Variants in IGSF21 observed in about 807,000 individuals in gnomAD.
The protein encoded by IGSF21 is immunoglobulin superfamily member 21.
In IGSF21, 28 loss-of-function variants were observed where a neutral mutation model predicts 46.8. The observed-to-expected ratio is 0.60, with a 90% CI of 0.44 to 0.82. IGSF21 has a LOEUF of 0.82. IGSF21 is among the 40% of genes least tolerant of loss of function. The pLI is 0.00. For missense variants in IGSF21, 624 were observed against 665.5 expected (o/e 0.94, Z 0.69); for synonymous variants, 284 against 273.6 (o/e 1.04, Z -0.38).
intron 4 of IGSF21, among the ~76,000 whole-genome samples, chr1:18,359,277 C>CA (rs1470868457): frequency 4.0e-4 from 32 of 80,044 alleles, no homozygotes; most frequent in Admixed American, 8.9e-4. Flanking sequence ...GACCCTGCCT[C>CA]AAAAAACACA....
At position 18,282,189 on chromosome 1, in the gene IGSF21, G is replaced by A. The variant is rs555466750; in HGVS notation, c.184-9677G>A. On this transcript the variant is annotated intron_variant, in intron 2 of 9. Coordinates refer to ENST00000251296, the MANE Select transcript of IGSF21 (RefSeq NM_032880.5). Reference sequence around the variant, plus strand: ...CCTGGGGGTTCCGGACTGTGTATCCGGTTGTGGTTCCTGACCCCTGTGTCC... The same window carrying A: ...CCTGGGGGTTCCGGACTGTGTATCCAGTTGTGGTTCCTGACCCCTGTGTCC... Among the ~76,000 whole-genome samples, 81 of 148,798 alleles carry A rather than the reference G, an allele frequency of 5.4e-4. 1 individual carries two copies. The highest frequency in any genetic ancestry group is 3.5e-3 in the Middle Eastern group (1 of 286).
chr1:18,321,687 G>T (rs76136871), intron 3 of IGSF21, among the ~76,000 whole-genome samples: 2,881 of 152,246 alleles, frequency 0.019, 53 homozygotes, highest in Non-Finnish European at 0.029. Flanking sequence ...CTCTTTTGTG[G>T]GGGTGCTCAT....
At chr1:18,252,476 C>T (rs945078216) in intron 2 of IGSF21, among the ~76,000 whole-genome samples, 1 of 152,216 alleles carries the variant, frequency 6.6e-6, no homozygotes, top group African/African-American at 2.4e-5. Context: ...GTGGCCGTAG[C>T]TTTGCTCCAG....
intron 4 of IGSF21, among the ~76,000 whole-genome samples, chr1:18,342,806 A>G (rs560887972): frequency 6.6e-6 from 1 of 152,314 alleles, no homozygotes; most frequent in African/African-American, 2.4e-5. Flanking sequence ...CTTCATATGG[A>G]TAGATCGCGT....
intron 2 of IGSF21, among the ~76,000 whole-genome samples, chr1:18,268,244 G>A (rs1002554083): frequency 1.4e-4 from 22 of 152,348 alleles, no homozygotes; most frequent in African/African-American, 5.1e-4. Flanking sequence ...AAGTCCAAGT[G>A]AGCAGCATTA....
intron 1 of IGSF21, chr1:18,115,366 G>A (rs12144931): frequency 0.23 from 35,205 of 152,186 alleles, 4,447 homozygotes; most frequent in Non-Finnish European, 0.3. Context: ...GCTGGAGATC[G>A]TTGGGGATAG....
intron 1 of IGSF21, among the ~76,000 whole-genome samples, chr1:18,142,607 A>C (rs1250625996): frequency 3.3e-5 from 5 of 152,182 alleles, no homozygotes; most frequent in Non-Finnish European, 7.4e-5. Flanking sequence ...TCAGCTGAGA[A>C]GGAGCCGGGC....
At chr1:18,210,397 A>G (rs76476546) in intron 1 of IGSF21, among the ~76,000 whole-genome samples, 2,026 of 152,348 alleles carry the variant, frequency 0.013, 33 homozygotes, top group African/African-American at 0.046. Flanking sequence ...AGCAGGAAAG[A>G]TGCTCCCATG....
intron 4 of IGSF21, among the ~76,000 whole-genome samples, chr1:18,349,350 A>G (rs2085926386): frequency 6.6e-6 from 1 of 152,098 alleles, no homozygotes; most frequent in South Asian, 2.1e-4. Context: ...AGCAGAAGAA[A>G]AATAAGGATG....
chr1:18,120,961 G>A (rs185052325), intron 1 of IGSF21, among the ~76,000 whole-genome samples: 86 of 152,224 alleles, frequency 5.6e-4, no homozygotes, highest in East Asian at 1.5e-3. Context: ...TTACCTATTC[G>A]TCATTCCCCA....
At chr1:18,273,456 T>C (rs1019627831) in intron 2 of IGSF21, among the ~76,000 whole-genome samples, 5 of 86,674 alleles carry the variant, frequency 5.8e-5, no homozygotes, top group South Asian at 4.0e-4. Flanking sequence ...CTTTCTTTCT[T>C]TCTCTCTCTT....
rs186357277 is a variant in IGSF21, at chr1:18,107,945, C to G, written c.-184C>G. 1.0e-5 allele frequency: 2 copies of G among 192,746 alleles called. No individual in the cohort carries two copies. Among genetic ancestry groups the G allele is most frequent in the Non-Finnish European group, 2.1e-5 (2 of 96,094 alleles). 11.9% of individuals were successfully genotyped at this position (192,746 alleles called of 1,614,324 possible). A position where few individuals can be genotyped will look rare whatever the true frequency, so the allele number is the denominator to read the frequency against. ...GCGCCTCGCAGAGCCGGAGCCGAGTCGAGCCGGGCGCCCGGGCTGCCTGGC... is the reference window on the plus strand; with the variant it reads ...GCGCCTCGCAGAGCCGGAGCCGAGTGGAGCCGGGCGCCCGGGCTGCCTGGC... On this transcript the variant is annotated 5_prime_UTR_variant, in exon 1 of 10. Transcript: ENST00000251296.
In IGSF21 at chr1:18,341,534, G is replaced by A. The variant is rs144112126; in HGVS notation, c.424+6524G>A. ...CAACCCCGTGGGTCACCCTTCGTTG[G>A]GCACTGACTAATATGCAGGCGCTGT... On this transcript the variant is annotated intron_variant, in intron 4 of 9. Transcript: ENST00000251296. 3.2e-3 allele frequency among the ~76,000 whole-genome samples: 480 copies of A among 152,224 alleles called. 3 individuals are homozygous for A. Among genetic ancestry groups the A allele is most frequent in the African/African-American group, 0.011 (461 of 41,540 alleles).
chr1:18,185,525 T>A (rs2086895441), intron 1 of IGSF21, among the ~76,000 whole-genome samples: 1 of 152,192 alleles, frequency 6.6e-6, no homozygotes, highest in African/African-American at 2.4e-5. Context: ...AAGCTGCAGG[T>A]TGTGCAGCCT....
At chr1:18,161,413 G>T (rs901493952) in intron 1 of IGSF21, among the ~76,000 whole-genome samples, 1 of 152,036 alleles carries the variant, frequency 6.6e-6, no homozygotes, top group South Asian at 2.1e-4. Context: ...TTCCAACATC[G>T]TGCCCTGTAT....
At chr1:18,377,470 G>A (rs745592269) in intron 9 of IGSF21, 39 bp downstream of exon 9, 2 of 1,570,262 alleles carry the variant, frequency 1.3e-6, no homozygotes, top group East Asian at 4.5e-5. Flanking sequence ...TTAAAAGGGA[G>A]TGGCTTTTGA....
chr1:18,116,191 G>A (rs565863712), intron 1 of IGSF21, among the ~76,000 whole-genome samples: 2 of 152,236 alleles, frequency 1.3e-5, no homozygotes, highest in South Asian at 4.1e-4. Flanking sequence ...ACCATTACTG[G>A]AGTATTCACA....
intron 4 of IGSF21, among the ~76,000 whole-genome samples, chr1:18,359,478 AGGAAGG>A (rs1394752896): frequency 4.6e-5 from 4 of 86,960 alleles, no homozygotes; most frequent in Admixed American, 1.1e-4. Context: ...GAAGGAAGGA[AGGAAGG>A]AAGGAAGGAA....
intron 2 of IGSF21, among the ~76,000 whole-genome samples, chr1:18,243,076 G>A (rs2084749108): frequency 6.6e-6 from 1 of 152,170 alleles, no homozygotes; most frequent in African/African-American, 2.4e-5. Context: ...GGCAATCAGG[G>A]ACCTATGCCA....
Sources: allele counts gnomAD v4.1 joint callset (sites outside exome capture counted in the v4.1 genomes callset), GRCh38; gene constraint gnomAD v4.1.1; transcripts MANE v1.5; gene names NCBI Gene and HGNC (gene_info 2026-07-23, HGNC 2026-07-21).